HOMER1: variants seen among roughly 807,000 people sequenced by gnomAD.
HOMER1 encodes homer protein homolog 1.
HOMER1 carries 3 observed loss-of-function variants against 48.9 expected under a neutral mutation model. That is an observed-to-expected ratio of 0.06 (90% confidence interval 0.03 to 0.16). The LOEUF is 0.16. Ranked by LOEUF, HOMER1 falls within the 10% of genes least tolerant of loss-of-function variation. The probability of loss-of-function intolerance (pLI) is 1.00; values close to 1 mark genes in which losing one functional copy is unlikely to be tolerated. For synonymous variants in HOMER1, 134 were observed against 146.4 expected (o/e 0.92, Z 0.61); for missense variants, 247 against 411.4 (o/e 0.60, Z 3.46).
intron 8 of HOMER1, among the ~76,000 whole-genome samples, chr5:79,384,108 C>CAA (rs61146751): frequency 0.012 from 1,032 of 86,458 alleles, 7 homozygotes; most frequent in African/African-American, 0.037. Context: ...ACTAGAAAAG[C>CAA]AAAAAAAAAA....
At chr5:79,506,422 A>C (rs1163240157) in intron 1 of HOMER1, among the ~76,000 whole-genome samples, 1 of 152,170 alleles carries the variant, frequency 6.6e-6, no homozygotes, top group Non-Finnish European at 1.5e-5. Flanking sequence ...CTCAGGACAG[A>C]CGGAAAAAGG....
intron 8 of HOMER1, among the ~76,000 whole-genome samples, chr5:79,396,201 T>C (rs1324816010): frequency 6.6e-6 from 1 of 152,048 alleles, no homozygotes; most frequent in Non-Finnish European, 1.5e-5. Context: ...CAGAAAAAAG[T>C]GAGTAAAATT....
intron 1 of HOMER1, among the ~76,000 whole-genome samples, chr5:79,485,197 A>G (rs1752064782): frequency 6.6e-6 from 1 of 152,222 alleles, no homozygotes; most frequent in Admixed American, 6.5e-5. Context: ...AGTACTAAAC[A>G]TTTCTTAGTT....
intron 8 of HOMER1, among the ~76,000 whole-genome samples, chr5:79,379,292 A>G (rs1748889602): frequency 9.3e-6 from 1 of 107,090 alleles, no homozygotes; most frequent in African/African-American, 3.8e-5. Flanking sequence ...TATTATATAT[A>G]TTAAAATTGT....
chr5:79,503,748 G>A (rs1039316984), intron 1 of HOMER1, among the ~76,000 whole-genome samples: 2 of 150,454 alleles, frequency 1.3e-5, no homozygotes, highest in South Asian at 2.1e-4. Context: ...AAAGAAAGAA[G>A]AAAATCATAA....
chr5:79,504,703 A>G (rs967244741), intron 1 of HOMER1, among the ~76,000 whole-genome samples: 2 of 152,240 alleles, frequency 1.3e-5, no homozygotes, highest in African/African-American at 2.4e-5. Flanking sequence ...TAAATAAAAC[A>G]GAAGAAAGAC....
At chr5:79,493,686 G>A (rs1265613617) in intron 1 of HOMER1, among the ~76,000 whole-genome samples, 2 of 152,032 alleles carry the variant, frequency 1.3e-5, no homozygotes, top group African/African-American at 4.8e-5. Flanking sequence ...GCTCCATATT[G>A]CATTCTCACC....
chr5:79,485,757 A>C (rs905784344), intron 1 of HOMER1, among the ~76,000 whole-genome samples: 5 of 152,224 alleles, frequency 3.3e-5, no homozygotes, highest in African/African-American at 9.6e-5. Context: ...AAGAGTGGGA[A>C]TCTGACAGAT....
chr5:79,438,707 AG>A (rs1750661195), intron 5 of HOMER1, among the ~76,000 whole-genome samples: 1 of 152,218 alleles, frequency 6.6e-6, no homozygotes, highest in Non-Finnish European at 1.5e-5. Context: ...AAAGACAGGT[AG>A]AAGCAACTTA....
At chr5:79,487,856 T>A (rs1358465565) in intron 1 of HOMER1, among the ~76,000 whole-genome samples, 1 of 152,202 alleles carries the variant, frequency 6.6e-6, no homozygotes, top group Non-Finnish European at 1.5e-5. Context: ...TACACAGTCA[T>A]ATATTTACAG....
intron 8 of HOMER1, among the ~76,000 whole-genome samples, chr5:79,384,401 G>A (rs1299785302): frequency 6.6e-6 from 1 of 152,104 alleles, no homozygotes; most frequent in African/African-American, 2.4e-5. Context: ...GGAAAACCTG[G>A]AGGATATGGA....
chr5:79,410,945 TAA>T (rs1277420791), intron 5 of HOMER1, among the ~76,000 whole-genome samples: 1 of 152,206 alleles, frequency 6.6e-6, no homozygotes, highest in African/African-American at 2.4e-5. Flanking sequence ...AAGAAATCAC[TAA>T]AGTGCTTAGT....
At chr5:79,463,203 C>T (rs7733509) in intron 1 of HOMER1, among the ~76,000 whole-genome samples, 31,952 of 152,118 alleles carry the variant, frequency 0.21, 3,693 homozygotes, top group East Asian at 0.37. Context: ...TTCCATATGA[C>T]TGTGAGCTTC....
chr5:79,393,790 T>C (rs1290255928), intron 8 of HOMER1, among the ~76,000 whole-genome samples: 1 of 152,212 alleles, frequency 6.6e-6, no homozygotes, highest in East Asian at 1.9e-4. Flanking sequence ...ACTATAGGAA[T>C]GCTGGAAGAA....
At chr5:79,431,205 C>G (rs1750416092) in intron 5 of HOMER1, among the ~76,000 whole-genome samples, 1 of 152,050 alleles carries the variant, frequency 6.6e-6, no homozygotes, top group African/African-American at 2.4e-5. Flanking sequence ...CTCCTGTAAT[C>G]CCAGCTACTT....
At chr5:79,507,551 G>A (rs1331037542) in intron 1 of HOMER1, among the ~76,000 whole-genome samples, 1 of 151,968 alleles carries the variant, frequency 6.6e-6, no homozygotes, top group African/African-American at 2.4e-5. Context: ...TATGTAAAAT[G>A]TTTTATAGTC....
rs939335875 is a variant in HOMER1 at position 79,373,471 on chromosome 5, A to G, written c.*2538T>C. The G allele has an allele frequency of 1.1e-4, 16 of 151,986 alleles. No individual in the cohort carries two copies. The highest frequency in any genetic ancestry group is 2.2e-4 in the Non-Finnish European group (15 of 67,902). 9.4% of individuals were successfully genotyped at this position (151,986 alleles called of 1,614,324 possible). A position where few individuals can be genotyped will look rare whatever the true frequency, so the allele number is the denominator to read the frequency against. ...TATATTACCACAGTTTGATTTAAAT[A>G]TAGATACAGTATATAATACTTGTCT... On this transcript the variant is annotated 3_prime_UTR_variant, in exon 9 of 9. Coordinates refer to ENST00000334082, the MANE Select transcript of HOMER1 (RefSeq NM_004272.5).
chr5:79,433,090 CAA>C (rs1240185526), intron 5 of HOMER1, among the ~76,000 whole-genome samples: 3 of 152,170 alleles, frequency 2.0e-5, no homozygotes, highest in African/African-American at 7.2e-5. Context: ...CTCATCCAAA[CAA>C]AAGTTATTCC....
chr5:79,431,258 G>A (rs541404429), intron 5 of HOMER1, among the ~76,000 whole-genome samples: 28 of 152,282 alleles, frequency 1.8e-4, no homozygotes, highest in African/African-American at 6.5e-4. Context: ...GGGAAATGGA[G>A]GTTGCAGTGA....
Sources: allele counts gnomAD v4.1 joint callset (sites outside exome capture counted in the v4.1 genomes callset), GRCh38; gene constraint gnomAD v4.1.1; transcripts MANE v1.5; gene names NCBI Gene and HGNC (gene_info 2026-07-23, HGNC 2026-07-21).